The following NEK11 variants were observed in gnomAD, a reference collection of about 807,000 sequenced individuals.
NEK11 encodes serine/threonine-protein kinase Nek11.
NEK11 carries 72 observed loss-of-function variants against 80.7 expected under a neutral mutation model. The observed-to-expected ratio is 0.89, with a 90% CI of 0.74 to 1.08. The LOEUF is 1.08. Among genes scored for constraint, NEK11 ranks in the 50% least tolerant of loss-of-function variants. The probability of loss-of-function intolerance (pLI) is 0.00; values close to 1 mark genes in which losing one functional copy is unlikely to be tolerated. For missense variants in NEK11, 764 were observed against 763.6 expected (o/e 1.00, Z -0.01); for synonymous variants, 251 against 260.7 (o/e 0.96, Z 0.36).
chr3:131,143,249 G>A (rs2087362826), intron 7 of NEK11, among the ~76,000 whole-genome samples: 1 of 152,060 alleles, frequency 6.6e-6, no homozygotes, highest in African/African-American at 2.4e-5. Context: ...TTTTGGATTG[G>A]GCAGAACCCC....
At chr3:131,314,460 C>T (rs1169882651) in intron 17 of NEK11, among the ~76,000 whole-genome samples, 1 of 152,202 alleles carries the variant, frequency 6.6e-6, no homozygotes, top group African/African-American at 2.4e-5. Flanking sequence ...TTCACCATGA[C>T]ATTCACAGAA....
chr3:131,277,827 T>C (rs568485147), intron 17 of NEK11, among the ~76,000 whole-genome samples: 85 of 152,322 alleles, frequency 5.6e-4, no homozygotes, highest in Non-Finnish European at 1.1e-3. Flanking sequence ...ATCTGTGAAG[T>C]GGGACTAATA....
At chr3:131,272,677 T>C (rs1043321945) in intron 16 of NEK11, among the ~76,000 whole-genome samples, 1 of 151,940 alleles carries the variant, frequency 6.6e-6, no homozygotes, top group Non-Finnish European at 1.5e-5. Context: ...GGTTTCACCA[T>C]GTTGGCCAGG....
intron 14 of NEK11, among the ~76,000 whole-genome samples, chr3:131,179,815 A>G (rs988572070): frequency 6.6e-5 from 10 of 152,294 alleles, no homozygotes; most frequent in African/African-American, 2.2e-4. Context: ...CATGGACAGT[A>G]GTTTTATTAA....
chr3:131,258,213 T>C (rs543491751), intron 16 of NEK11, among the ~76,000 whole-genome samples: 1 of 152,170 alleles, frequency 6.6e-6, no homozygotes, highest in East Asian at 1.9e-4. Flanking sequence ...TGGGGCACAG[T>C]ACACACTGCT....
intron 9 of NEK11, among the ~76,000 whole-genome samples, chr3:131,153,062 G>A (rs541151368): frequency 1.3e-5 from 2 of 152,216 alleles, no homozygotes; most frequent in Admixed American, 1.3e-4. Context: ...ACTCCAGCCT[G>A]GCAACAGAGT....
chr3:131,155,850 A>T (rs2090564588), intron 10 of NEK11, among the ~76,000 whole-genome samples: 1 of 152,154 alleles, frequency 6.6e-6, no homozygotes, highest in African/African-American at 2.4e-5. Flanking sequence ...CAACGCTACC[A>T]TGTTTGCTTT....
chr3:131,162,620 AC>A, intron 11 of NEK11, 93 bp downstream of exon 11: 1 of 1,387,932 alleles, frequency 7.2e-7, no homozygotes, highest in Non-Finnish European at 1.0e-6. Flanking sequence ...AAAACAGGAA[AC>A]CCCAATGCAT....
chr3:131,313,660 A>G lies in NEK11; in HGVS notation c.1719-35897A>G, dbSNP rs146904676. 1.5e-3 allele frequency among the ~76,000 whole-genome samples: 223 copies of G among 152,306 alleles called. 1 individual carries two copies. The highest frequency in any genetic ancestry group is 6.6e-3 in the South Asian group (32 of 4,826). On this transcript the variant is annotated intron_variant, in intron 17 of 17. Coordinates refer to ENST00000383366, the MANE Select transcript of NEK11 (RefSeq NM_024800.5). ...ATAGGAAGTTTTCACTATGTTATAGACAGAGCAACACATCTGAAAATGTTC... is the reference window on the plus strand; with the variant it reads ...ATAGGAAGTTTTCACTATGTTATAGGCAGAGCAACACATCTGAAAATGTTC...
chr3:131,047,606 C>T (rs1307470775), intron 3 of NEK11, among the ~76,000 whole-genome samples: 4 of 152,190 alleles, frequency 2.6e-5, no homozygotes, highest in Admixed American at 2.0e-4. Context: ...GGAGTGTCTG[C>T]ACAGCATCCT....
At chr3:131,197,088 G>A (rs2094046787) in intron 14 of NEK11, among the ~76,000 whole-genome samples, 2 of 152,086 alleles carry the variant, frequency 1.3e-5, no homozygotes, top group Admixed American at 1.3e-4. Flanking sequence ...GATTGGTCAG[G>A]TGTGAGCTAA....
At chr3:131,129,898 A>G (rs1414238254) in intron 5 of NEK11, among the ~76,000 whole-genome samples, 1 of 152,294 alleles carries the variant, frequency 6.6e-6, no homozygotes, top group Non-Finnish European at 1.5e-5. Context: ...TTCTCCTTCA[A>G]AAGACCCAAT....
At chr3:131,127,741 T>G (rs886439223) in intron 5 of NEK11, among the ~76,000 whole-genome samples, 6 of 109,488 alleles carry the variant, frequency 5.5e-5, no homozygotes, top group African/African-American at 1.6e-4. Context: ...TGAGAGATGT[T>G]AGATGATATT....
At chr3:131,067,192 C>G (rs2072197518) in intron 3 of NEK11, among the ~76,000 whole-genome samples, 1 of 152,190 alleles carries the variant, frequency 6.6e-6, no homozygotes, top group Admixed American at 6.5e-5. Context: ...TTATTTGTCT[C>G]TGCTCTGCCA....
intron 5 of NEK11, among the ~76,000 whole-genome samples, chr3:131,128,264 A>G (rs62284175): frequency 0.22 from 33,368 of 152,042 alleles, 4,183 homozygotes; most frequent in African/African-American, 0.35. Flanking sequence ...TCATTTTAGT[A>G]TCATAAAGTT....
intron 17 of NEK11, among the ~76,000 whole-genome samples, chr3:131,295,342 C>A (rs1365962951): frequency 6.6e-6 from 1 of 151,510 alleles, no homozygotes; most frequent in African/African-American, 2.4e-5. Flanking sequence ...CATGCCTAAT[C>A]TGAAAACCTG....
chr3:131,062,104 T>C (rs1251273935), intron 3 of NEK11, among the ~76,000 whole-genome samples: 3 of 152,182 alleles, frequency 2.0e-5, no homozygotes, highest in African/African-American at 7.2e-5. Flanking sequence ...GGAGCTTACA[T>C]TTTAGGGGAA....
At chr3:131,162,343 AT>A (rs2091702101) in intron 10 of NEK11, 64 bp from the exon 11 acceptor site, 2 of 1,569,424 alleles carry the variant, frequency 1.3e-6, no homozygotes, top group Admixed American at 1.9e-5. Flanking sequence ...TTTATAAAAT[AT>A]TTGTTTAATT....
chr3:131,186,102 G>A (rs1370579511), intron 14 of NEK11, among the ~76,000 whole-genome samples: 1 of 152,106 alleles, frequency 6.6e-6, no homozygotes, highest in Non-Finnish European at 1.5e-5. Context: ...CAGTGTCAAA[G>A]CAAGTTGCAA....
Sources: allele counts gnomAD v4.1 joint callset (sites outside exome capture counted in the v4.1 genomes callset), GRCh38; gene constraint gnomAD v4.1.1; transcripts MANE v1.5; gene names NCBI Gene and HGNC (gene_info 2026-07-23, HGNC 2026-07-21).